Variants in NTN1 observed in about 807,000 individuals in gnomAD.
NTN1 encodes the protein netrin 1.
A neutral mutation model predicts 54.2 loss-of-function variants in NTN1; 11 were observed. The observed-to-expected ratio is 0.20, with a 90% confidence interval of 0.13 to 0.34. The LOEUF (loss-of-function observed/expected upper bound fraction) is 0.34. Ranked by LOEUF, NTN1 falls within the 10% of genes least tolerant of loss-of-function variation. The probability of loss-of-function intolerance (pLI) is 1.00; values close to 1 mark genes in which losing one functional copy is unlikely to be tolerated. For missense variants in NTN1, 740 were observed against 893.1 expected (o/e 0.83, Z 2.18); for synonymous variants, 371 against 382.0 (o/e 0.97, Z 0.33).
chr17:9,077,703 A>G (rs1340804970), intron 2 of NTN1, among the ~76,000 whole-genome samples: 1 of 152,240 alleles, frequency 6.6e-6, no homozygotes, highest in Non-Finnish European at 1.5e-5. Flanking sequence ...AAAATTGGAA[A>G]GGTGATGGAG....
intron 6 of NTN1, among the ~76,000 whole-genome samples, chr17:9,227,657 T>TCAAACAC (rs137860749): frequency 1.4e-5 from 2 of 147,488 alleles, no homozygotes; most frequent in African/African-American, 2.5e-5. Flanking sequence ...CACCATCACA[T>TCAAACAC]ACCACACACA....
intron 6 of NTN1, among the ~76,000 whole-genome samples, chr17:9,226,044 G>A (rs1905529047): frequency 6.6e-6 from 1 of 152,042 alleles, no homozygotes; most frequent in Non-Finnish European, 1.5e-5. Context: ...ATGAGAAGGG[G>A]CCTGTGGGCT....
chr17:9,133,300 T>G (rs1164672340), intron 2 of NTN1, among the ~76,000 whole-genome samples: 1 of 152,322 alleles, frequency 6.6e-6, no homozygotes, highest in South Asian at 2.1e-4. Flanking sequence ...TTGGCTGTGG[T>G]TCTCACTCAC....
At chr17:9,181,914 T>C (rs2092419875) in intron 4 of NTN1, among the ~76,000 whole-genome samples, 1 of 152,206 alleles carries the variant, frequency 6.6e-6, no homozygotes, top group Admixed American at 6.5e-5. Flanking sequence ...GAACCGCCTC[T>C]CTTTTCTTGA....
At chr17:9,011,950 T>G in the NTN1 span, among the ~76,000 whole-genome samples, 2 of 152,134 alleles carry the variant, frequency 1.3e-5, no homozygotes, top group Admixed American at 6.5e-5. Context: ...CATAATTCTG[T>G]GGTCTTTAGT....
In NTN1 at chr17:9,233,380, C is replaced by T. The variant is rs558000276; in HGVS notation, c.1487-6260C>T. Among the ~76,000 whole-genome samples, 149 of 152,146 alleles carry T rather than the reference C, an allele frequency of 9.8e-4. 1 individual carries two copies. Among genetic ancestry groups the T allele is most frequent in the Admixed American group, 1.9e-3 (29 of 15,302 alleles). ...TGGGCAGCATCTATAACTTCTGCAC[C>T]GGCCGGACAGCTTTCCTACAACCTG... On this transcript the variant is annotated intron_variant, in intron 6 of 6. Coordinates refer to ENST00000173229, the MANE Select transcript of NTN1 (RefSeq NM_004822.3).
chr17:9,115,095 C>T (rs2092206471), intron 2 of NTN1, among the ~76,000 whole-genome samples: 1 of 152,226 alleles, frequency 6.6e-6, no homozygotes, highest in Admixed American at 6.5e-5. Flanking sequence ...CTGCTCTGTG[C>T]AAACTCCTGT....
rs138833847 is a variant in NTN1 at position 9,084,005 on chromosome 17, G to A, written c.1018+60614G>A. On this transcript the variant is annotated intron_variant, in intron 2 of 6. Transcript: ENST00000173229. ...GGCTGGGGAAGGGGATTGAAAAAGC[G>A]TCTATCATGGGGGTGATGATCCACT... Among the ~76,000 whole-genome samples, 280 of 152,294 alleles carry A rather than the reference G, an allele frequency of 1.8e-3. 2 individuals carry two copies. Among genetic ancestry groups the A allele is most frequent in the South Asian group, 0.014 (69 of 4,830 alleles).
In NTN1 at chr17:9,085,730, T is replaced by G. The variant is rs2092087965; in HGVS notation, c.1018+62339T>G. Among the ~76,000 whole-genome samples the G allele has an allele frequency of 2.0e-5, 3 of 152,182 alleles. No homozygotes were observed. The South Asian group carries it at 6.2e-4, about 31-fold the overall frequency. On this transcript the variant is annotated intron_variant, in intron 2 of 6. Transcript: ENST00000173229. ...GCCCACACACAGTTGGGTACTCAAA[T>G]GACAGCTGCTCTTATGGCCGTTTTC... is the stretch of plus-strand genomic sequence containing the variant.
intron 6 of NTN1, among the ~76,000 whole-genome samples, chr17:9,222,078 T>C (rs927322607): frequency 3.3e-5 from 5 of 152,216 alleles, no homozygotes; most frequent in Non-Finnish European, 7.4e-5. Context: ...GCCCCCACCA[T>C]AGGCCGGGAA....
chr17:9,136,545 C>G (rs909446979), intron 2 of NTN1, among the ~76,000 whole-genome samples: 2 of 152,088 alleles, frequency 1.3e-5, no homozygotes, highest in African/African-American at 2.4e-5. Context: ...CCACTGCACT[C>G]CAGCCTGGGC....
rs888351055 is a variant in NTN1 at position 9,165,858 on chromosome 17, A to C, written c.1207+2857A>C. Among the ~76,000 whole-genome samples the C allele has an allele frequency of 1.3e-5, 2 of 152,312 alleles. No homozygotes were observed. Among genetic ancestry groups the C allele is most frequent in the Admixed American group, 1.3e-4 (2 of 15,298 alleles). On this transcript the variant is annotated intron_variant, in intron 3 of 6. Coordinates refer to ENST00000173229, the MANE Select transcript of NTN1 (RefSeq NM_004822.3). The surrounding 1 kb of genome is among the most constrained non-coding windows in gnomAD (Gnocchi z 4.5). ...ATTGGTGAGAAAAAGCATTGCCCAG[A>C]GATCTCTGCTTCATGATTGGCAAGA...
intron 2 of NTN1, among the ~76,000 whole-genome samples, chr17:9,092,582 G>A (rs1005588698): frequency 1.3e-5 from 2 of 151,846 alleles, no homozygotes; most frequent in African/African-American, 2.4e-5. Context: ...GAGCCATGGC[G>A]CCCAGCCTGG....
intron 2 of NTN1, among the ~76,000 whole-genome samples, chr17:9,146,277 G>A (rs1029123396): frequency 3.3e-5 from 5 of 152,208 alleles, no homozygotes; most frequent in African/African-American, 9.6e-5. Context: ...ACTGCTCCAC[G>A]TGAGTCATGT....
intron 2 of NTN1, among the ~76,000 whole-genome samples, chr17:9,162,050 T>A (rs2092358463): frequency 6.6e-6 from 1 of 152,072 alleles, no homozygotes; most frequent in Non-Finnish European, 1.5e-5. Context: ...TCCTGAGCAA[T>A]GCTCATGGGG....
Position 9,221,098 on chromosome 17 carries a change from T to G in NTN1, c.1412-70T>G. 8.8e-7 allele frequency: 1 copy of G among 1,140,546 alleles called. No individual in the cohort carries two copies. Among genetic ancestry groups the G allele is most frequent in the Non-Finnish European group, 1.3e-6 (1 of 749,378 alleles). The allele number at this position is 1,140,546 out of a possible 1,614,324, so 70.7% of individuals were successfully genotyped here. Reference sequence around the variant, plus strand: ...GCTATTTAGGGAGGCGGCCTCCTACTCTGCCCGCCAGCCTATTCATCGCCA... The same window carrying G: ...GCTATTTAGGGAGGCGGCCTCCTACGCTGCCCGCCAGCCTATTCATCGCCA... On this transcript the variant is annotated intron_variant, in intron 5 of 6. Transcript: ENST00000173229. The surrounding 1 kb of genome is among the most constrained non-coding windows in gnomAD (Gnocchi z 4.5).
At chr17:9,013,661 T>C in the NTN1 span, among the ~76,000 whole-genome samples, 1 of 152,224 alleles carries the variant, frequency 6.6e-6, no homozygotes, top group Admixed American at 6.5e-5. Context: ...CCTCTTGCTG[T>C]TGCCATCAGT....
chr17:9,236,351 C>T (rs750508733), intron 6 of NTN1, among the ~76,000 whole-genome samples: 3 of 152,200 alleles, frequency 2.0e-5, no homozygotes, highest in South Asian at 2.1e-4. Context: ...TGACAGCAGC[C>T]TGGTGGAGTG....
At chr17:9,028,727 C>T (rs1018445372) in intron 2 of NTN1, among the ~76,000 whole-genome samples, 3 of 152,104 alleles carry the variant, frequency 2.0e-5, no homozygotes, top group Non-Finnish European at 4.4e-5. Flanking sequence ...AATTTTTTGT[C>T]TTGGGATTAA....
Sources: allele counts gnomAD v4.1 joint callset (sites outside exome capture counted in the v4.1 genomes callset), GRCh38; gene constraint gnomAD v4.1.1; non-coding constraint Gnocchi (gnomAD v3.1); transcripts MANE v1.5; gene names NCBI Gene and HGNC (gene_info 2026-07-23, HGNC 2026-07-21).